Variants in CFAP157 observed in about 807,000 individuals in gnomAD.
CFAP157 encodes the protein cilia and flagella associated protein 157.
A neutral mutation model predicts 57.8 loss-of-function variants in CFAP157; 43 were observed. The observed-to-expected ratio is 0.74, with a 90% confidence interval of 0.58 to 0.96. The LOEUF (loss-of-function observed/expected upper bound fraction) is 0.96, where lower values mean the gene tolerates loss of function less well. CFAP157 is among the 40% of genes least tolerant of loss of function. CFAP157 has a pLI of 0.00. For synonymous variants in CFAP157, 267 were observed against 269.0 expected, an observed-to-expected ratio of 0.99 and a Z score of 0.07; for missense variants, 606 against 655.3, an observed-to-expected ratio of 0.92 and a Z score of 0.82.
rs1160012308 is a variant in CFAP157, at chr9:127,709,527, C to T, written c.267C>T (p.Arg89=). The T allele has an allele frequency of 6.2e-7, 1 of 1,614,140 alleles. No individual in the cohort carries two copies. Among genetic ancestry groups the T allele is most frequent in the Non-Finnish European group, 8.5e-7 (1 of 1,180,040 alleles). ...AGGAGATTGTGGCCTTCCTCAAGCG[C>T]ACGCTCAACCAGCAGGTGGATGAGA... ...NKKEIVAFLK[R]TLNQQVDEIT... Residue 89 remains arginine (R), a synonymous_variant, in exon 2 of 9, where the codon CGC becomes CGT. Transcript: ENST00000373295. This position sits in a 1 kb window ranked among gnomAD's most constrained non-coding sequence, Gnocchi z 4.7.
chr9:127,707,437 G>A (rs780405659), intron 1 of CFAP157, among the ~76,000 whole-genome samples: 3 of 152,066 alleles, frequency 2.0e-5, no homozygotes, highest in Non-Finnish European at 4.4e-5. Flanking sequence ...ATGCTAGCTC[G>A]TGGCCCCACC....
In CFAP157 at chr9:127,711,491, C is replaced by A. The variant is rs1564366189; in HGVS notation, c.850C>A (p.Gln284Lys). 6.2e-7 allele frequency: 1 copy of A among 1,612,874 alleles called. No individual in the cohort carries two copies. The highest frequency in any genetic ancestry group is 1.3e-5 in the African/African-American group (1 of 75,032). Residue 284 changes from glutamine (Q) to lysine (K), a missense_variant, in exon 4 of 9, where the codon CAG becomes AAG. By Grantham distance (53) the Gln-to-Lys change is moderately conservative. Transcript: ENST00000373295. ...CATGGCCAGGCACAAAAGAGGCCAC[C>A]AGAAGGTGTGCCTGCAGGCCTCAGC... Reference protein sequence around the residue: ...KVMARHKRGHQKIILMLTKKC... With the variant: ...KVMARHKRGHKKIILMLTKKC...
chr9:127,709,698 G>A lies in CFAP157; in HGVS notation c.433+5G>A, dbSNP rs1369985750. ...CCACGGAGAACATCATCCTTGGTGAGGAGGGGACTGGCTGGTGAGCCTGCA... is the reference window on the plus strand; with the variant it reads ...CCACGGAGAACATCATCCTTGGTGAAGAGGGGACTGGCTGGTGAGCCTGCA... On this transcript the variant is annotated splice_donor_5th_base_variant and intron_variant, in intron 2 of 8. Coordinates refer to ENST00000373295, the MANE Select transcript of CFAP157 (RefSeq NM_001012502.3). The surrounding 1 kb of genome is among the most constrained non-coding windows in gnomAD (Gnocchi z 4.7). The A allele has an allele frequency of 3.1e-6, 5 of 1,611,076 alleles. No individual in the cohort carries two copies. In the South Asian group the frequency reaches 5.5e-5, roughly 18 times the overall value.
rs1342020003 is a variant in CFAP157 at position 127,715,369 on chromosome 9, G to C, written c.*1464G>C. The C allele has an allele frequency of 8.1e-7, 1 of 1,242,220 alleles. No homozygotes were observed. Among genetic ancestry groups the C allele is most frequent in the Middle Eastern group, 1.8e-4 (1 of 5,434 alleles). 76.9% of individuals were successfully genotyped at this position (1,242,220 alleles called of 1,614,324 possible). A position where few individuals can be genotyped will look rare whatever the true frequency, so the allele number is the denominator to read the frequency against. On this transcript the variant is annotated 3_prime_UTR_variant, in exon 9 of 9. Transcript: ENST00000373295. This position sits in a 1 kb window ranked among gnomAD's most constrained non-coding sequence, Gnocchi z 5.8. ...CCTGAGAACTCCAGAAGGCTGGGCAGGCAGGGCGCCCTAGTGCAGGAACGG... is the reference window on the plus strand; with the variant it reads ...CCTGAGAACTCCAGAAGGCTGGGCACGCAGGGCGCCCTAGTGCAGGAACGG...
chr9:127,715,259 C>G lies in CFAP157; in HGVS notation c.*1354C>G. The G allele has an allele frequency of 1.3e-6, 2 of 1,485,452 alleles. No homozygotes were observed. The highest frequency in any genetic ancestry group is 2.4e-5 in the South Asian group (2 of 82,984). 92.0% of individuals were successfully genotyped at this position (1,485,452 alleles called of 1,614,324 possible). On this transcript the variant is annotated 3_prime_UTR_variant, in exon 9 of 9. Transcript: ENST00000373295. The surrounding 1 kb of genome is among the most constrained non-coding windows in gnomAD (Gnocchi z 5.8). ...CGCCACCCCCGATCTCACAGCGTCCCGTGGGCCCCAACGCAGAGGAGCGGA... is the reference window on the plus strand; with the variant it reads ...CGCCACCCCCGATCTCACAGCGTCCGGTGGGCCCCAACGCAGAGGAGCGGA...
At position 127,707,083 on chromosome 9, in the gene CFAP157, A is replaced by C. The variant is rs1216824262; in HGVS notation, c.52A>C (p.Lys18Gln). 1 of 1,613,940 alleles carries C rather than the reference A, an allele frequency of 6.2e-7. No individual in the cohort carries two copies. Among genetic ancestry groups the C allele is most frequent in the Admixed American group, 1.7e-5 (1 of 60,018 alleles). ...SKAGKELEVKKKGGKKEPVVA... is the reference protein window; with the variant it reads ...SKAGKELEVKQKGGKKEPVVA... ...GGCAGGCAAGGAGCTTGAAGTCAAG[A>C]AGAAAGGGGGCAAGAAGGAGCCGGT... Residue 18 changes from lysine (K) to glutamine (Q), a missense_variant, in exon 1 of 9, where the codon AAG becomes CAG. Transcript: ENST00000373295.
Position 127,714,918 on chromosome 9 carries a change from G to GGGGGGCCCCCCCCCCCCCCCCCCCC in CFAP157, c.*1013_*1014insGGGGGCCCCCCCCCCCCCCCCCCCC. ...CAGCCAGTGCTCCCCTCTGGCCCCC[G>GGGGGGCCCCCCCCCCCCCCCCCCCC]CGCCCCAACCCCCACCCCCTTGGCC... On this transcript the variant is annotated 3_prime_UTR_variant, in exon 9 of 9. Transcript: ENST00000373295. The GGGGGGCCCCCCCCCCCCCCCCCCCC allele has an allele frequency of 2.5e-6, 1 of 398,848 alleles. No individual in the cohort carries two copies. The highest frequency in any genetic ancestry group is 4.9e-5 in the East Asian group (1 of 20,434). 24.7% of individuals were successfully genotyped at this position (398,848 alleles called of 1,614,324 possible).
rs1165446407 is a variant in CFAP157 at position 127,709,518 on chromosome 9, C to T, written c.258C>T (p.Phe86=). The change falls in exon 2 of 9, where the codon TTC becomes TTT. Residue 86 remains phenylalanine, a synonymous_variant. Coordinates refer to ENST00000373295, the MANE Select transcript of CFAP157 (RefSeq NM_001012502.3). This position sits in a 1 kb window ranked among gnomAD's most constrained non-coding sequence, Gnocchi z 4.7. ...ATAACAAGAAGGAGATTGTGGCCTTCCTCAAGCGCACGCTCAACCAGCAGG... is the reference window on the plus strand; with the variant it reads ...ATAACAAGAAGGAGATTGTGGCCTTTCTCAAGCGCACGCTCAACCAGCAGG... ...LANNKKEIVA[F]LKRTLNQQVD... is the part of the protein sequence containing the mutation. 2.5e-6 allele frequency: 4 copies of T among 1,614,010 alleles called. No individual in the cohort carries two copies. The highest frequency in any genetic ancestry group is 3.4e-6 in the Non-Finnish European group (4 of 1,180,042).
intron 1 of CFAP157, among the ~76,000 whole-genome samples, chr9:127,708,732 A>C (rs1842700902): frequency 6.6e-6 from 1 of 152,224 alleles, no homozygotes; most frequent in Admixed American, 6.5e-5. Flanking sequence ...CTAGGTTTTG[A>C]CCACTCAGTG....
Position 127,715,512 on chromosome 9 carries a change from G to C in CFAP157, c.*1607G>C. The stretch of plus-strand genomic sequence containing the variant: ...TGGCCGAACTGAAGCTAGGGACCGG[G>C]AGCCCCTACGTCGCCGCCCCACGCC... On this transcript the variant is annotated 3_prime_UTR_variant, in exon 9 of 9. Coordinates refer to ENST00000373295, the MANE Select transcript of CFAP157 (RefSeq NM_001012502.3). This position sits in a 1 kb window ranked among gnomAD's most constrained non-coding sequence, Gnocchi z 5.8. 6.2e-7 allele frequency: 1 copy of C among 1,612,888 alleles called. No individual in the cohort carries two copies. Among genetic ancestry groups the C allele is most frequent in the South Asian group, 1.1e-5 (1 of 91,064 alleles).
In CFAP157 at chr9:127,709,952, T is replaced by A. The variant is rs1176304128; in HGVS notation, c.433+259T>A. 2.0e-5 allele frequency among the ~76,000 whole-genome samples: 3 copies of A among 152,102 alleles called. No homozygotes were observed. Among genetic ancestry groups the A allele is most frequent in the African/African-American group, 7.2e-5 (3 of 41,410 alleles). On this transcript the variant is annotated intron_variant, in intron 2 of 8. Transcript: ENST00000373295. This position sits in a 1 kb window ranked among gnomAD's most constrained non-coding sequence, Gnocchi z 4.7. ...GTGAGGCTCAAATGTCAGATGGCAT[T>A]AGAACCTAGCCCAGAGAATATATAC...
In CFAP157 at chr9:127,709,874, A is replaced by G. The variant is rs1205401430; in HGVS notation, c.433+181A>G. ...CCCCCAACCAGTTTGTAGACAAGGA[A>G]GCACCTCAAAAGATGAAGTGTCGTG... On this transcript the variant is annotated intron_variant, in intron 2 of 8. Coordinates refer to ENST00000373295, the MANE Select transcript of CFAP157 (RefSeq NM_001012502.3). The surrounding 1 kb of genome is among the most constrained non-coding windows in gnomAD (Gnocchi z 4.7). Among the ~76,000 whole-genome samples the G allele has an allele frequency of 1.3e-5, 2 of 152,216 alleles. No homozygotes were observed. Among genetic ancestry groups the G allele is most frequent in the African/African-American group, 4.8e-5 (2 of 41,456 alleles).
chr9:127,713,274 C>A, intron 8 of CFAP157, 68 bp downstream of exon 8: 1 of 1,197,886 alleles, frequency 8.3e-7, no homozygotes, highest in Non-Finnish European at 1.2e-6. Context: ...TGAGGCTCTG[C>A]CAGGCCACAG....
chr9:127,715,779 G>A lies in CFAP157; in HGVS notation c.*1874G>A. On this transcript the variant is annotated 3_prime_UTR_variant, in exon 9 of 9. Transcript: ENST00000373295. This position sits in a 1 kb window ranked among gnomAD's most constrained non-coding sequence, Gnocchi z 5.8. Reference sequence around the variant, plus strand: ...GCCGCCATGCTTCTGAGGGGCGGAAGCGGCGAGGCGGTGGCCGAGTCCGGG... The same window carrying A: ...GCCGCCATGCTTCTGAGGGGCGGAAACGGCGAGGCGGTGGCCGAGTCCGGG... 6.7e-7 allele frequency: 1 copy of A among 1,488,080 alleles called. No homozygotes were observed. The highest frequency in any genetic ancestry group is 1.3e-5 in the South Asian group (1 of 79,382). The allele number at this position is 1,488,080 out of a possible 1,614,324, so 92.2% of individuals were successfully genotyped here. A position where few individuals can be genotyped will look rare whatever the true frequency, so the allele number is the denominator to read the frequency against.
At chr9:127,712,936 A>G in intron 7 of CFAP157, 61 bp downstream of exon 7, 2 of 1,588,522 alleles carry the variant, frequency 1.3e-6, no homozygotes, top group Non-Finnish European at 8.6e-7. Flanking sequence ...AAAGGCATTC[A>G]GCCATGGGGA....
In CFAP157 at chr9:127,715,462, G is replaced by T. The variant is rs1472586639; in HGVS notation, c.*1557G>T. The T allele has an allele frequency of 6.3e-7, 1 of 1,579,590 alleles. No homozygotes were observed. Among genetic ancestry groups the T allele is most frequent in the African/African-American group, 1.3e-5 (1 of 74,090 alleles). ...GTTAAGAAAACAGAGCAGCAATTTG[G>T]GGGCACTCGGCTCCCGGGACATAAT... On this transcript the variant is annotated 3_prime_UTR_variant, in exon 9 of 9. Coordinates refer to ENST00000373295, the MANE Select transcript of CFAP157 (RefSeq NM_001012502.3). The surrounding 1 kb of genome is among the most constrained non-coding windows in gnomAD (Gnocchi z 5.8).
At position 127,715,027 on chromosome 9, in the gene CFAP157, C is replaced by T; in HGVS notation, c.*1122C>T. ...CGTTCATAAGCCGCCGTGGCCGGAG[C>T]AGGACCAGTTGGGCATCCCCCAGCG... On this transcript the variant is annotated 3_prime_UTR_variant, in exon 9 of 9. Transcript: ENST00000373295. This position sits in a 1 kb window ranked among gnomAD's most constrained non-coding sequence, Gnocchi z 5.8. The T allele has an allele frequency of 6.6e-7, 1 of 1,519,566 alleles. No individual in the cohort carries two copies. The allele number at this position is 1,519,566 out of a possible 1,614,324, so 94.1% of individuals were successfully genotyped here.
rs767993669 is a variant in CFAP157 at position 127,714,119 on chromosome 9, C to T, written c.*214C>T. On this transcript the variant is annotated 3_prime_UTR_variant, in exon 9 of 9. Transcript: ENST00000373295. ...CTAGTGTCACGGCCCCAGTGAGGGC[C>T]CCTGGCTTCGCTCACGGATGTGGTC... 23 of 1,613,140 alleles carry T rather than the reference C, an allele frequency of 1.4e-5. No individual in the cohort carries two copies. The highest frequency in any genetic ancestry group is 1.1e-4 in the African/African-American group (8 of 74,922).
intron 5 of CFAP157, 80 bp downstream of exon 5, chr9:127,712,030 C>A: frequency 6.5e-7 from 1 of 1,529,534 alleles, no homozygotes; most frequent in Non-Finnish European, 8.8e-7. Context: ...GATCCCACGA[C>A]CCAGGCCAGT....
Sources: gnomAD v4.1 joint callset for allele counts (sites outside exome capture counted in the v4.1 genomes callset) on GRCh38, gnomAD v4.1.1 for gene constraint, Gnocchi (gnomAD v3.1) non-coding constraint, MANE v1.5 for transcripts, NCBI Gene and HGNC (gene_info 2026-07-23, HGNC 2026-07-21) for gene names.